The following LRATD1 variants were observed in gnomAD, a reference collection of about 807,000 sequenced individuals.
LRATD1 encodes protein LRATD1.
Under a neutral mutation model 21.3 loss-of-function variants are expected in LRATD1, and 8 were observed. The observed-to-expected ratio is 0.38, with a 90% confidence interval of 0.22 to 0.68. LRATD1 has a LOEUF of 0.68. Ranked by LOEUF, LRATD1 falls within the 30% of genes least tolerant of loss-of-function variation. LRATD1 has a pLI of 0.54. For synonymous variants in LRATD1, 210 were observed against 186.2 expected (o/e 1.13, Z -1.04); for missense variants, 380 against 404.0 (o/e 0.94, Z 0.51).
At chr2:14,651,492 C>T (rs1672005120), downstream of LRATD1, among the ~76,000 whole-genome samples, 1 of 152,152 alleles carries the variant, frequency 6.6e-6, no homozygotes, top group South Asian at 2.1e-4. Flanking sequence ...TTCCTCCAGT[C>T]TGTGTTCTCA....
chr2:14,634,687 G>T lies in LRATD1; in HGVS notation c.708G>T (p.Thr236=). 1.9e-6 allele frequency: 3 copies of T among 1,544,828 alleles called. No homozygotes were observed. The highest frequency in any genetic ancestry group is 1.2e-5 in the South Asian group (1 of 81,630). ...CGGGAGGGGAGGTGCCGGCAGGCAC[G>T]CAGCCCCCGCAGCAGCAGTACTATC... ...FKAGGEVPAG[T]QPPQQQYYLK... Residue 236 remains threonine (T), a synonymous_variant, in exon 2 of 2, where the codon ACG becomes ACT. Transcript: ENST00000295092.
rs2103404794 is a variant in LRATD1, at chr2:14,632,734, G to T, written c.-240G>T. On this transcript the variant is annotated 5_prime_UTR_variant, in exon 1 of 2. Coordinates refer to ENST00000295092, the MANE Select transcript of LRATD1 (RefSeq NM_145175.4). ...GCGGTGGGAAAGCAGAGCCGAGCCGGGACTGTCCAGTGGGAGCAGGCGCCC... is the reference window on the plus strand; with the variant it reads ...GCGGTGGGAAAGCAGAGCCGAGCCGTGACTGTCCAGTGGGAGCAGGCGCCC... 1 of 152,332 alleles carries T rather than the reference G, an allele frequency of 6.6e-6. No individual in the cohort carries two copies. The highest frequency in any genetic ancestry group is 6.5e-5 in the Admixed American group (1 of 15,306). The allele number at this position is 152,332 out of a possible 1,614,324, so 9.4% of individuals were successfully genotyped here.
chr2:14,634,748 G>T lies in LRATD1; in HGVS notation c.769G>T (p.Ala257Ser), dbSNP rs770473121. ...CCTGGGAGAGAACAAGGTCCACACC[G>T]CCAGGTTTCACAGCCTGGAAGACCT... Reference protein sequence around the residue: ...VHLGENKVHTARFHSLEDLIR... With the variant: ...VHLGENKVHTSRFHSLEDLIR... Residue 257 changes from alanine to serine, a missense_variant, in exon 2 of 2, where the codon GCC becomes TCC. Coordinates refer to ENST00000295092, the MANE Select transcript of LRATD1 (RefSeq NM_145175.4). 8.9e-6 allele frequency: 14 copies of T among 1,573,466 alleles called. No individual in the cohort carries two copies. Among genetic ancestry groups the T allele is most frequent in the South Asian group, 1.2e-5 (1 of 86,230 alleles).
intron 2 of LRATD1, among the ~76,000 whole-genome samples, chr2:14,645,892 C>T (rs1373052836): frequency 6.6e-6 from 1 of 152,138 alleles, no homozygotes; most frequent in Non-Finnish European, 1.5e-5. Context: ...TCATGACCAA[C>T]CTTGTGTCTG....
chr2:14,643,743 C>T (rs1318215042), downstream of LRATD1, among the ~76,000 whole-genome samples: 1 of 152,202 alleles, frequency 6.6e-6, no homozygotes, highest in Non-Finnish European at 1.5e-5. Context: ...TCATCCTCTC[C>T]CATTTGAACT....
At position 14,639,787 on chromosome 2, in the gene LRATD1, A is replaced by C. The variant is rs1375596060; in HGVS notation, c.*4929A>C. ...ACAGTAGGTACTCCATAAATGTAAG[A>C]CTATGGCAGCTGTCTAGTACAAGTG... is the stretch of plus-strand genomic sequence containing the variant. On this transcript the variant is annotated 3_prime_UTR_variant, in exon 2 of 2. Transcript: ENST00000295092. The C allele has an allele frequency of 1.2e-5, 2 of 167,110 alleles. No homozygotes were observed. The highest frequency in any genetic ancestry group is 4.8e-5 in the African/African-American group (2 of 41,474). The allele number at this position is 167,110 out of a possible 1,614,324, so 10.4% of individuals were successfully genotyped here.
At chr2:14,649,538 G>A (rs981703658) in intron 5 of LRATD1, 1 of 365,042 alleles carries the variant, frequency 2.7e-6, no homozygotes, top group East Asian at 7.3e-5. Context: ...CTTGCGTGTA[G>A]CCTATATCCA....
At position 14,635,618 on chromosome 2, in the gene LRATD1, C is replaced by G. The variant is rs1260580949; in HGVS notation, c.*760C>G. On this transcript the variant is annotated 3_prime_UTR_variant, in exon 2 of 2. Transcript: ENST00000295092. Reference sequence around the variant, plus strand: ...GGCAGAAGGGAAGCCGGCCCGGTCCCGGGAGGAAGATGGCGCTGCGAATTC... The same window carrying G: ...GGCAGAAGGGAAGCCGGCCCGGTCCGGGGAGGAAGATGGCGCTGCGAATTC... The G allele has an allele frequency of 6.4e-6, 3 of 470,872 alleles. No individual in the cohort carries two copies. Among genetic ancestry groups the G allele is most frequent in the South Asian group, 1.5e-5 (1 of 64,564 alleles). The allele number at this position is 470,872 out of a possible 1,614,324, so 29.2% of individuals were successfully genotyped here. A position where few individuals can be genotyped will look rare whatever the true frequency, so the allele number is the denominator to read the frequency against.
At chr2:14,646,302 T>C (rs1021373041) in intron 3 of LRATD1, 1 of 152,222 alleles carries the variant, frequency 6.6e-6, no homozygotes, top group Non-Finnish European at 1.5e-5. Context: ...CTATACTTGA[T>C]GTCCAACCTC....
At chr2:14,642,034 T>C (rs921596015), downstream of LRATD1, 18 of 152,308 alleles carry the variant, frequency 1.2e-4, no homozygotes, top group African/African-American at 4.1e-4. Flanking sequence ...ACACTTGCAG[T>C]AGGTGCTAAA....
chr2:14,648,279 T>G (rs1671930553), intron 4 of LRATD1, among the ~76,000 whole-genome samples: 1 of 152,164 alleles, frequency 6.6e-6, no homozygotes, highest in Non-Finnish European at 1.5e-5. Flanking sequence ...ACCTTCTTGG[T>G]CTTAGGGCCT....
chr2:14,641,392 A>T (rs1416447987), downstream of LRATD1, among the ~76,000 whole-genome samples: 1 of 152,100 alleles, frequency 6.6e-6, no homozygotes, highest in African/African-American at 2.4e-5. Context: ...ATTCTATTTT[A>T]TAACAGACAC....
chr2:14,634,875 G>C lies in LRATD1; in HGVS notation c.*17G>C, dbSNP rs1490288107. The stretch of plus-strand genomic sequence containing the variant: ...AAGGAGTAGCCGCCTAGGGGCTGCC[G>C]GCCCCTCTGCCTCCCCCGCACCTCG... On this transcript the variant is annotated 3_prime_UTR_variant, in exon 2 of 2. Coordinates refer to ENST00000295092, the MANE Select transcript of LRATD1 (RefSeq NM_145175.4). The C allele has an allele frequency of 1.2e-6, 2 of 1,601,238 alleles. No homozygotes were observed. Among genetic ancestry groups the C allele is most frequent in the Admixed American group, 1.7e-5 (1 of 58,972 alleles).
rs1027606624 is a variant in LRATD1, at chr2:14,638,336, T to A, written c.*3478T>A. The A allele has an allele frequency of 6.0e-6, 1 of 166,930 alleles. No homozygotes were observed. Among genetic ancestry groups the A allele is most frequent in the Non-Finnish European group, 1.5e-5 (1 of 68,072 alleles). The allele number at this position is 166,930 out of a possible 1,614,324, so 10.3% of individuals were successfully genotyped here. A position where few individuals can be genotyped will look rare whatever the true frequency, so the allele number is the denominator to read the frequency against. On this transcript the variant is annotated 3_prime_UTR_variant, in exon 2 of 2. Transcript: ENST00000295092. ...AAGCTGTTGTCATGACAGTATTTTT[T>A]AAAAATAATAACGTATATTATAGTT...
rs1671612859 is a variant in LRATD1 at position 14,633,964 on chromosome 2, C to T, written c.-16C>T. On this transcript the variant is annotated 5_prime_UTR_variant, in exon 2 of 2. Transcript: ENST00000295092. The surrounding 1 kb of genome is among the most constrained non-coding windows in gnomAD (Gnocchi z 7.5). ...CGCAGATCCCCGCTCCTGGCCCTCG[C>T]CTCGCCACCTCATTGATGGGCAACC... 1 of 1,602,460 alleles carries T rather than the reference C, an allele frequency of 6.2e-7. No individual in the cohort carries two copies. Among genetic ancestry groups the T allele is most frequent in the Non-Finnish European group, 8.5e-7 (1 of 1,171,766 alleles).
rs1671632881 is a variant in LRATD1, at chr2:14,634,456, C to T, written c.477C>T (p.Gly159=). 1.3e-6 allele frequency: 2 copies of T among 1,521,306 alleles called. No individual in the cohort carries two copies. Among genetic ancestry groups the T allele is most frequent in the Non-Finnish European group, 1.8e-6 (2 of 1,137,136 alleles). 94.2% of individuals were successfully genotyped at this position (1,521,306 alleles called of 1,614,324 possible). A position where few individuals can be genotyped will look rare whatever the true frequency, so the allele number is the denominator to read the frequency against. The change falls in exon 2 of 2, where the codon GGC becomes GGT. Residue 159 remains glycine, a synonymous_variant. Transcript: ENST00000295092. ...GGGQIIHLHQ[G]EIRQDSLYEA... Reference sequence around the variant, plus strand: ...GGCAGATCATCCACCTGCACCAAGGCGAGATCCGCCAGGACAGCCTGTATG... The same window carrying T: ...GGCAGATCATCCACCTGCACCAAGGTGAGATCCGCCAGGACAGCCTGTATG...
downstream of LRATD1, among the ~76,000 whole-genome samples, chr2:14,643,431 G>A (rs760526377): frequency 3.9e-5 from 6 of 152,062 alleles, no homozygotes; most frequent in Admixed American, 6.5e-5. Context: ...CAGTCTGTCC[G>A]GTACTCCCCT....
rs1671588986 is a variant in LRATD1, at chr2:14,633,053, C to G, written c.-37+116C>G. ...TGGGCTAAAAGTGAACCTCTCTACA[C>G]ACACACGCTCCCACCCACACCCACA... On this transcript the variant is annotated intron_variant, in intron 1 of 1. Coordinates refer to ENST00000295092, the MANE Select transcript of LRATD1 (RefSeq NM_145175.4). The surrounding 1 kb of genome is among the most constrained non-coding windows in gnomAD (Gnocchi z 7.5). 6.6e-6 allele frequency: 1 copy of G among 152,290 alleles called. No individual in the cohort carries two copies. Among genetic ancestry groups the G allele is most frequent in the Non-Finnish European group, 1.5e-5 (1 of 68,262 alleles). The allele number at this position is 152,290 out of a possible 1,614,324, so 9.4% of individuals were successfully genotyped here. A position where few individuals can be genotyped will look rare whatever the true frequency, so the allele number is the denominator to read the frequency against.
Position 14,634,940 on chromosome 2 carries a change from G to C in LRATD1, c.*82G>C. On this transcript the variant is annotated 3_prime_UTR_variant, in exon 2 of 2. Transcript: ENST00000295092. ...CCGCACCCGGACTTCGCAGTCAGCG[G>C]TTCTCAACCTCTGCCCCGCCCCGCC... 6.8e-7 allele frequency: 1 copy of C among 1,477,902 alleles called. No individual in the cohort carries two copies. Among genetic ancestry groups the C allele is most frequent in the Non-Finnish European group, 9.1e-7 (1 of 1,100,838 alleles). 91.5% of individuals were successfully genotyped at this position (1,477,902 alleles called of 1,614,324 possible).
Sources: gnomAD v4.1 joint callset for allele counts (sites outside exome capture counted in the v4.1 genomes callset) on GRCh38, gnomAD v4.1.1 for gene constraint, Gnocchi (gnomAD v3.1) non-coding constraint, MANE v1.5 for transcripts, NCBI Gene and HGNC (gene_info 2026-07-23, HGNC 2026-07-21) for gene names.